LRRC37A3: variants seen among roughly 807,000 people sequenced by gnomAD.
LRRC37A3 encodes the protein leucine-rich repeat-containing protein 37A3.
A neutral mutation model predicts 106.2 loss-of-function variants in LRRC37A3; 25 were observed. The ratio of observed to expected loss-of-function variants is 0.24; its 90% CI spans 0.17 to 0.33. The LOEUF is 0.33. Among genes scored for constraint, LRRC37A3 ranks in the 10% least tolerant of loss-of-function variants. The pLI is 1.00. For synonymous variants in LRRC37A3, 305 were observed against 635.8 expected, an observed-to-expected ratio of 0.48 and a Z score of 7.83; for missense variants, 712 against 1,644.9, an observed-to-expected ratio of 0.43 and a Z score of 9.81.
intron 8 of LRRC37A3, among the ~76,000 whole-genome samples, chr17:64,872,272 C>A (rs1973350983): frequency 7.0e-6 from 1 of 143,520 alleles, no homozygotes; most frequent in Admixed American, 6.9e-5. Flanking sequence ...GAAATGTAAC[C>A]AAAGTCTTGC....
Position 64,860,696 on chromosome 17 carries a change from G to A in LRRC37A3, c.3450C>T (p.Ser1150=). The part of the protein sequence containing the change: ...PFIKLPTTGN[S]LAKIQTVGKN... ...TGCCTACAGTTTGAATCTTTGCCAG[G>A]CTGTTTCCTGTGGTTGGCAGTTTAA... Residue 1150 remains serine (S), a synonymous_variant, in exon 12 of 15, where the codon AGC becomes AGT. Transcript: ENST00000584306. 2 of 1,614,002 alleles carry A rather than the reference G, an allele frequency of 1.2e-6. No individual in the cohort carries two copies. The highest frequency in any genetic ancestry group is 1.7e-6 in the Non-Finnish European group (2 of 1,179,870).
At chr17:64,874,881 C>T (rs1342032635) in intron 8 of LRRC37A3, among the ~76,000 whole-genome samples, 2 of 151,900 alleles carry the variant, frequency 1.3e-5, no homozygotes, top group Non-Finnish European at 2.9e-5. Context: ...CTTTGTTAAA[C>T]AGATGCTTGA....
intron 8 of LRRC37A3, among the ~76,000 whole-genome samples, chr17:64,880,549 A>C (rs1442769795): frequency 1.3e-5 from 2 of 152,282 alleles, no homozygotes; most frequent in East Asian, 3.9e-4. Flanking sequence ...CAGTCCATCG[A>C]CTTTTTGGTA....
chr17:64,855,236 G>T (rs1276473733), intron 14 of LRRC37A3, among the ~76,000 whole-genome samples: 2 of 151,592 alleles, frequency 1.3e-5, no homozygotes, highest in African/African-American at 4.8e-5. Context: ...AAAAAAAAAA[G>T]AAATAAAAGA....
chr17:64,913,809 A>T (rs1974646838), intron 2 of LRRC37A3, among the ~76,000 whole-genome samples: 1 of 150,172 alleles, frequency 6.7e-6, no homozygotes, highest in Non-Finnish European at 1.5e-5. Flanking sequence ...AAAGAGAACA[A>T]ACCCATAACA....
chr17:64,870,125 C>T (rs1415520346), intron 8 of LRRC37A3, among the ~76,000 whole-genome samples: 1 of 137,908 alleles, frequency 7.3e-6, no homozygotes, highest in Admixed American at 7.5e-5. Context: ...GAGTCTCACT[C>T]TGTCGCCCAG....
intron 2 of LRRC37A3, among the ~76,000 whole-genome samples, chr17:64,909,260 T>C (rs1974530225): frequency 6.6e-6 from 1 of 152,112 alleles, no homozygotes; most frequent in Admixed American, 6.5e-5. Flanking sequence ...ATGAAGATAT[T>C]GGAAAAAAAA....
chr17:64,865,254 C>T (rs2143409619), intron 10 of LRRC37A3, among the ~76,000 whole-genome samples: 2 of 152,248 alleles, frequency 1.3e-5, no homozygotes, highest in Middle Eastern at 6.8e-3. Context: ...AGTGATCCTC[C>T]CACCTCAGCC....
At chr17:64,882,519 G>A (rs1471896142) in intron 8 of LRRC37A3, among the ~76,000 whole-genome samples, 1 of 152,122 alleles carries the variant, frequency 6.6e-6, no homozygotes. Context: ...TGTTCTTTTT[G>A]TCTTTAATGT....
At chr17:64,862,499 A>G (rs1229377898) in intron 11 of LRRC37A3, among the ~76,000 whole-genome samples, 2 of 151,924 alleles carry the variant, frequency 1.3e-5, no homozygotes, top group Non-Finnish European at 2.9e-5. Flanking sequence ...CCGTATCTAC[A>G]TCTGTCCTAT....
chr17:64,855,798 T>C (rs750479978), intron 14 of LRRC37A3, 42 bp downstream of exon 14: 8 of 1,609,972 alleles, frequency 5.0e-6, no homozygotes, highest in Non-Finnish European at 6.8e-6. Flanking sequence ...GGAAACTCCG[T>C]CTCAAAAGAA....
At chr17:64,875,331 T>C (rs1264877665) in intron 8 of LRRC37A3, among the ~76,000 whole-genome samples, 2 of 152,190 alleles carry the variant, frequency 1.3e-5, no homozygotes, top group Non-Finnish European at 2.9e-5. Context: ...TGAAATGGCA[T>C]ATTCAAAGTT....
intron 8 of LRRC37A3, among the ~76,000 whole-genome samples, chr17:64,872,653 G>A (rs1041221710): frequency 6.6e-6 from 1 of 152,164 alleles, no homozygotes; most frequent in African/African-American, 2.4e-5. Context: ...GGGGAAAAAA[G>A]CCTAATCAAA....
intron 11 of LRRC37A3, among the ~76,000 whole-genome samples, chr17:64,861,619 G>C (rs1299600742): frequency 1.3e-5 from 2 of 152,214 alleles, no homozygotes; most frequent in African/African-American, 4.8e-5. Context: ...AATTTGGGCA[G>C]GGATTTGGGG....
At chr17:64,884,655 C>T (rs1442162287) in intron 8 of LRRC37A3, among the ~76,000 whole-genome samples, 3 of 139,758 alleles carry the variant, frequency 2.1e-5, no homozygotes, top group African/African-American at 5.8e-5. Flanking sequence ...CCACCGCTCC[C>T]GGCCACCAGA....
At chr17:64,877,334 T>C (rs900465301) in intron 8 of LRRC37A3, among the ~76,000 whole-genome samples, 4 of 152,132 alleles carry the variant, frequency 2.6e-5, no homozygotes, top group Non-Finnish European at 5.9e-5. Flanking sequence ...CCTGAGTAGC[T>C]GGGATTATAG....
intron 8 of LRRC37A3, among the ~76,000 whole-genome samples, chr17:64,872,114 AGAGT>A (rs1457839850): frequency 7.1e-6 from 1 of 141,548 alleles, no homozygotes; most frequent in African/African-American, 2.6e-5. Context: ...CCTGGGCAAC[AGAGT>A]GAGACTCTGT....
chr17:64,918,931 T>G, intron 1 of LRRC37A3, 61 bp from the exon 2 acceptor site: 3 of 887,370 alleles, frequency 3.4e-6, no homozygotes, highest in Non-Finnish European at 4.4e-6. Flanking sequence ...CTACACCACT[T>G]TGTTGACGGC....
Position 64,875,557 on chromosome 17 carries a change from G to T in LRRC37A3, c.2907-6391C>A, listed in dbSNP as rs539876333. 2.0e-5 allele frequency among the ~76,000 whole-genome samples: 3 copies of T among 152,194 alleles called. No homozygotes were observed. In the East Asian group the frequency reaches 5.8e-4, roughly 29 times the overall value. On this transcript the variant is annotated intron_variant, in intron 8 of 14. Coordinates refer to ENST00000584306, the MANE Select transcript of LRRC37A3 (RefSeq NM_199340.5). ...TAATCCCAGCACTTTGGGAGGCTGA[G>T]GCTGGAGGATCACTTGAGGTCAAGA...
Sources: allele counts gnomAD v4.1 joint callset (sites outside exome capture counted in the v4.1 genomes callset), GRCh38; gene constraint gnomAD v4.1.1; transcripts MANE v1.5; gene names NCBI Gene and HGNC (gene_info 2026-07-23, HGNC 2026-07-21).